Variants in CYLD observed in about 807,000 individuals in gnomAD.
The protein encoded by CYLD is CYLD lysine 63 deubiquitinase.
Under a neutral mutation model 104.5 loss-of-function variants are expected in CYLD, and 26 were observed. That is an observed-to-expected ratio of 0.25 (90% CI 0.18 to 0.35). The LOEUF (loss-of-function observed/expected upper bound fraction) is 0.35. CYLD is among the 10% of genes least tolerant of loss of function. The pLI, the probability that CYLD is intolerant of heterozygous loss-of-function variation, is 1.00. For missense variants in CYLD, 703 were observed against 1,136.1 expected (o/e 0.62, Z 5.48); for synonymous variants, 385 against 399.9 (o/e 0.96, Z 0.45).
At chr16:50,795,424 A>C (rs1971929689) in intron 18 of CYLD, 1 of 626,800 alleles carries the variant, frequency 1.6e-6, no homozygotes, top group Non-Finnish European at 2.9e-6. Flanking sequence ...TGTAGGTAAG[A>C]AATGTTTGTT....
intron 5 of CYLD, among the ~76,000 whole-genome samples, chr16:50,772,917 G>A (rs1567441058): frequency 6.6e-6 from 1 of 152,112 alleles, no homozygotes; most frequent in South Asian, 2.1e-4. Flanking sequence ...TATCTATATG[G>A]CACCTTCAAG....
intron 4 of CYLD, among the ~76,000 whole-genome samples, chr16:50,752,835 C>T (rs1248842507): frequency 6.6e-6 from 1 of 152,118 alleles, no homozygotes; most frequent in Non-Finnish European, 1.5e-5. Flanking sequence ...ATAATGGATC[C>T]ATTCCAGTGT....
chr16:50,758,777 C>A (rs1967567753), intron 5 of CYLD, among the ~76,000 whole-genome samples: 2 of 152,108 alleles, frequency 1.3e-5, no homozygotes, highest in Admixed American at 1.3e-4. Flanking sequence ...GGAAAGACAA[C>A]AGGAAGAGCA....
chr16:50,748,840 C>G (rs1304995463), intron 2 of CYLD, among the ~76,000 whole-genome samples: 1 of 152,150 alleles, frequency 6.6e-6, no homozygotes, highest in East Asian at 1.9e-4. Flanking sequence ...ATGGCCATAT[C>G]ATAGCTATCA....
intron 13 of CYLD, 65 bp downstream of exon 13, chr16:50,787,011 G>A: frequency 7.7e-7 from 1 of 1,306,034 alleles, no homozygotes. Flanking sequence ...CAAAGTATTA[G>A]CTGAAATGTG....
chr16:50,776,058 G>T, intron 6 of CYLD, 121 bp from the exon 7 acceptor site: 2 of 739,102 alleles, frequency 2.7e-6, no homozygotes, highest in South Asian at 1.5e-5. Flanking sequence ...AAAGGCATTT[G>T]TAAAACTAAA....
intron 4 of CYLD, among the ~76,000 whole-genome samples, chr16:50,753,572 A>G (rs7342715): frequency 0.58 from 88,254 of 152,124 alleles, 26,817 homozygotes; most frequent in African/African-American, 0.75. Flanking sequence ...TATAGTCCTT[A>G]AGAGGAAAGT....
intron 16 of CYLD, 146 bp from the exon 17 acceptor site, chr16:50,793,400 G>A (rs1971623796): frequency 2.7e-6 from 2 of 752,722 alleles, no homozygotes; most frequent in South Asian, 1.4e-5. Context: ...CTAACTGAGA[G>A]CTTAAGCAGA....
intron 5 of CYLD, 149 bp downstream of exon 5, chr16:50,754,573 G>A (rs1209191731): frequency 1.1e-5 from 7 of 639,780 alleles, no homozygotes; most frequent in African/African-American, 5.5e-5. Context: ...TGGTGCACCC[G>A]TCACCCGAGA....
chr16:50,750,105 G>C lies in CYLD; in HGVS notation c.407G>C (p.Arg136Thr). 1 of 1,614,138 alleles carries C rather than the reference G, an allele frequency of 6.2e-7. No homozygotes were observed. Among genetic ancestry groups the C allele is most frequent in the Non-Finnish European group, 8.5e-7 (1 of 1,179,986 alleles). The change falls in exon 3 of 19, where the codon AGA becomes ACA. Residue 136 changes from arginine to threonine, a missense_variant. Coordinates refer to ENST00000427738, the MANE Select transcript of CYLD (RefSeq NM_001378743.1). ...GGCTGTCCTGTGAAAGTACAGCTGAGATCTGGGGAAGAAAAATTTCCTGGA... is the reference window on the plus strand; with the variant it reads ...GGCTGTCCTGTGAAAGTACAGCTGACATCTGGGGAAGAAAAATTTCCTGGA... Reference protein sequence around the residue: ...DVGCPVKVQLRSGEEKFPGVV... With the variant: ...DVGCPVKVQLTSGEEKFPGVV...
rs1971644250 is a variant in CYLD, at chr16:50,793,569, G to A, written c.2374G>A (p.Gly792Arg). 1.2e-6 allele frequency: 2 copies of A among 1,613,512 alleles called. No homozygotes were observed. The highest frequency in any genetic ancestry group is 2.2e-5 in the South Asian group (2 of 91,076). ...EDTPRQCRIC[G>R]GLAMYECREC... Reference sequence around the variant, plus strand: ...AGCTCCCAGACAGTGCCGGATATGTGGAGGGCTTGCAATGTATGAGTGTAG... The same window carrying A: ...AGCTCCCAGACAGTGCCGGATATGTAGAGGGCTTGCAATGTATGAGTGTAG... Residue 792 changes from glycine to arginine, a missense_variant, in exon 17 of 19, where the codon GGA becomes AGA. By Grantham distance (125) the Gly-to-Arg change is moderately radical. Around this residue, in one of 5 missense-constraint regions of CYLD, gnomAD observed 130 missense variants for 220.2 expected, o/e 0.59. Transcript: ENST00000427738.
At chr16:50,773,726 C>A (rs1266769357) in intron 5 of CYLD, among the ~76,000 whole-genome samples, 1 of 152,116 alleles carries the variant, frequency 6.6e-6, no homozygotes, top group East Asian at 1.9e-4. Flanking sequence ...ACTTTGAAAG[C>A]TTTGCTTCAT....
chr16:50,770,225 T>C (rs1597027238), intron 5 of CYLD, among the ~76,000 whole-genome samples: 1 of 152,214 alleles, frequency 6.6e-6, no homozygotes, highest in East Asian at 1.9e-4. Flanking sequence ...CTAAACTGTT[T>C]TCCAGAGTGA....
At chr16:50,768,908 T>G (rs1321305182) in intron 5 of CYLD, among the ~76,000 whole-genome samples, 1 of 152,214 alleles carries the variant, frequency 6.6e-6, no homozygotes, top group Non-Finnish European at 1.5e-5. Context: ...CAACCACTGG[T>G]CTTCTTTACA....
At position 50,800,830 on chromosome 16, in the gene CYLD, A is replaced by G. The variant is rs544518764; in HGVS notation, c.*4322A>G. 1 of 233,388 alleles carries G rather than the reference A, an allele frequency of 4.3e-6. No homozygotes were observed. Among genetic ancestry groups the G allele is most frequent in the Admixed American group, 5.6e-5 (1 of 17,806 alleles). The allele number at this position is 233,388 out of a possible 1,614,324, so 14.5% of individuals were successfully genotyped here. A position where few individuals can be genotyped will look rare whatever the true frequency, so the allele number is the denominator to read the frequency against. On this transcript the variant is annotated 3_prime_UTR_variant, in exon 19 of 19. Coordinates refer to ENST00000427738, the MANE Select transcript of CYLD (RefSeq NM_001378743.1). ...TACTCCTTTCTCTAGGGTTTGGTGC[A>G]ATTCTCCATTAATGAAGATAACATT...
chr16:50,770,578 G>C (rs939982125), intron 5 of CYLD, among the ~76,000 whole-genome samples: 2 of 151,508 alleles, frequency 1.3e-5, no homozygotes, highest in African/African-American at 2.4e-5. Context: ...AGCCTCCCAA[G>C]TAGCTGGGAT....
Position 50,798,663 on chromosome 16 carries a change from T to C in CYLD, c.*2155T>C, listed in dbSNP as rs1234452942. On this transcript the variant is annotated 3_prime_UTR_variant, in exon 19 of 19. Transcript: ENST00000427738. The stretch of plus-strand genomic sequence containing the variant: ...GAAGACAGTTCCTTTCCTGTAGAAA[T>C]TAAAACAAAATACAAATTGAGGAAG... 1.3e-5 allele frequency: 3 copies of C among 230,114 alleles called. No individual in the cohort carries two copies. The highest frequency in any genetic ancestry group is 4.5e-5 in the African/African-American group (2 of 44,440). The allele number at this position is 230,114 out of a possible 1,614,324, so 14.3% of individuals were successfully genotyped here.
intron 11 of CYLD, 24 bp from the exon 12 acceptor site, chr16:50,784,305 A>G: frequency 1.9e-6 from 3 of 1,611,760 alleles, no homozygotes; most frequent in Non-Finnish European, 2.5e-6. Flanking sequence ...CAGCATGAAG[A>G]AAATTATCCT....
intron 5 of CYLD, among the ~76,000 whole-genome samples, chr16:50,757,195 G>A (rs1180354189): frequency 6.6e-6 from 1 of 151,094 alleles, no homozygotes; most frequent in Non-Finnish European, 1.5e-5. Flanking sequence ...TCCTTTTAGC[G>A]TGCACTGTTT....
Sources: allele counts gnomAD v4.1 joint callset (sites outside exome capture counted in the v4.1 genomes callset), GRCh38; gene constraint gnomAD v4.1.1; regional missense constraint gnomAD v4.1.1; transcripts MANE v1.5; gene names NCBI Gene and HGNC (gene_info 2026-07-23, HGNC 2026-07-21).